SCIN: variants seen among roughly 807,000 people sequenced by gnomAD.
The protein encoded by SCIN is scinderin.
A neutral mutation model predicts 91.8 loss-of-function variants in SCIN; 91 were observed. That is an observed-to-expected ratio of 0.99 (90% CI 0.84 to 1.18). The LOEUF (loss-of-function observed/expected upper bound fraction) is 1.18, where lower values mean the gene tolerates loss of function less well. Among genes scored for constraint, SCIN ranks in the 50% most tolerant of loss-of-function variants. The probability of loss-of-function intolerance (pLI) is 0.00; values close to 1 mark genes in which losing one functional copy is unlikely to be tolerated. For synonymous variants in SCIN, 367 were observed against 312.6 expected, an observed-to-expected ratio of 1.17 and a Z score of -1.84; for missense variants, 1,087 against 863.9, an observed-to-expected ratio of 1.26 and a Z score of -3.24.
rs1209045449 is a variant in SCIN, at chr7:12,657,568, ATATATT to A, written c.*4855_*4860del. ...TATATATATATATATATATATATAT[ATATATT>A]TTTTTTTTTTTTTTTTTTTTTTTTG... On this transcript the variant is annotated 3_prime_UTR_variant, in exon 16 of 16. Coordinates refer to ENST00000297029, the MANE Select transcript of SCIN (RefSeq NM_001112706.3). The A allele has an allele frequency of 9.7e-5, 2 of 20,636 alleles. No individual in the cohort carries two copies. Among genetic ancestry groups the A allele is most frequent in the African/African-American group, 3.2e-4 (2 of 6,288 alleles). 1.3% of individuals were successfully genotyped at this position (20,636 alleles called of 1,614,324 possible).
At chr7:12,604,728 G>GTA (rs1783037217) in intron 4 of SCIN, 65 bp downstream of exon 4, 1 of 1,379,756 alleles carries the variant, frequency 7.2e-7, no homozygotes, top group Non-Finnish European at 9.9e-7. Flanking sequence ...TGTGTGGTGT[G>GTA]TGTGTGTGTG....
intron 9 of SCIN, among the ~76,000 whole-genome samples, chr7:12,633,919 T>C (rs2115283993): frequency 6.6e-6 from 1 of 152,136 alleles, no homozygotes; most frequent in Admixed American, 6.5e-5. Flanking sequence ...GTAGTTCCTT[T>C]ATTAGGGAAA....
Position 12,622,891 on chromosome 7 carries a change from A to C in SCIN, c.757A>C (p.Met253Leu), listed in dbSNP as rs1379828098. Residue 253 changes from methionine (M) to leucine (L), a missense_variant and splice_region_variant, in exon 5 of 16, where the codon ATG (methionine) becomes CTG (leucine). Coordinates refer to ENST00000297029, the MANE Select transcript of SCIN (RefSeq NM_001112706.3). ...TAACAGGAAAATGGCTAAACTATAC[A>C]TGGTGAGTTCACTGTAACCAAATTT... ...ISNRKMAKLY[M>L]VSDASGSMRV... 13 of 1,607,596 alleles carry C rather than the reference A, an allele frequency of 8.1e-6. No homozygotes were observed. The highest frequency in any genetic ancestry group is 1.7e-5 in the Admixed American group (1 of 59,806).
chr7:12,604,843 G>A (rs1168707289), intron 4 of SCIN, among the ~76,000 whole-genome samples, 180 bp downstream of exon 4: 1 of 152,034 alleles, frequency 6.6e-6, no homozygotes, highest in Non-Finnish European at 1.5e-5. Context: ...TCTAAGTGAT[G>A]GAACTGGGAA....
intron 3 of SCIN, among the ~76,000 whole-genome samples, chr7:12,600,097 C>G (rs755217562): frequency 1.4e-4 from 22 of 152,272 alleles, no homozygotes; most frequent in Non-Finnish European, 2.5e-4. Context: ...AAGCCAATGT[C>G]TAGAAAGGTT....
chr7:12,577,463 C>T (rs1464552346), intron 1 of SCIN: 4 of 451,694 alleles, frequency 8.9e-6, no homozygotes, highest in Non-Finnish European at 1.8e-5. Context: ...TTAATGCTTA[C>T]TTAAATCTCA....
chr7:12,625,163 T>C, intron 6 of SCIN, 21 bp downstream of exon 6: 2 of 1,598,532 alleles, frequency 1.3e-6, no homozygotes, highest in South Asian at 2.3e-5. Context: ...CCATTGACGA[T>C]GCTGTATTTC....
Position 12,644,618 on chromosome 7 carries a change from CT to C in SCIN, c.1795del (p.Tyr599ThrfsTer42). ...GGAATTCCCTTGGAGGGAAAAAAGA[CT>C]ACCAGACCTCACCACTACTGGAAAC... is the stretch of plus-strand genomic sequence containing the variant. ...FWNSLGGKKD[Y>X]QTSPLLETQA... On this transcript the variant is annotated frameshift_variant, in exon 13 of 16. Coordinates refer to ENST00000297029, the MANE Select transcript of SCIN (RefSeq NM_001112706.3). LOFTEE classifies it high-confidence loss of function. 1 of 1,608,666 alleles carries C rather than the reference CT, an allele frequency of 6.2e-7. No individual in the cohort carries two copies. Among genetic ancestry groups the C allele is most frequent in the Non-Finnish European group, 8.5e-7 (1 of 1,177,492 alleles).
At chr7:12,610,135 G>T (rs1288130012) in intron 4 of SCIN, among the ~76,000 whole-genome samples, 1 of 152,186 alleles carries the variant, frequency 6.6e-6, no homozygotes, top group Non-Finnish European at 1.5e-5. Flanking sequence ...ACTTTATGAT[G>T]TTAGCATATA....
At chr7:12,596,312 C>T in intron 3 of SCIN, 1 of 455,328 alleles carries the variant, frequency 2.2e-6, no homozygotes, top group South Asian at 1.6e-5. Flanking sequence ...GTTGTCTCAT[C>T]TTGCACATCC....
At chr7:12,613,644 C>A (rs1783241244) in intron 4 of SCIN, among the ~76,000 whole-genome samples, 1 of 152,176 alleles carries the variant, frequency 6.6e-6, no homozygotes, top group African/African-American at 2.4e-5. Context: ...ATATTGACAG[C>A]ACTTGTATAA....
intron 4 of SCIN, among the ~76,000 whole-genome samples, chr7:12,615,274 T>A (rs1433779031): frequency 6.6e-6 from 1 of 152,156 alleles, no homozygotes; most frequent in Admixed American, 6.6e-5. Flanking sequence ...CCAAATCTCA[T>A]CTGTAATTGT....
intron 3 of SCIN, among the ~76,000 whole-genome samples, chr7:12,593,771 C>A (rs2115234930): frequency 6.6e-6 from 1 of 152,158 alleles, no homozygotes; most frequent in African/African-American, 2.4e-5. Flanking sequence ...TTGGTATTCC[C>A]AGGAAGGCTC....
At chr7:12,606,688 G>T (rs78933427) in intron 4 of SCIN, among the ~76,000 whole-genome samples, 1 of 151,988 alleles carries the variant, frequency 6.6e-6, no homozygotes, top group African/African-American at 2.4e-5. Context: ...CTAGAAAATT[G>T]TGCTAAAATA....
intron 13 of SCIN, 40 bp from the exon 14 acceptor site, chr7:12,649,427 T>A (rs1784032368): frequency 1.5e-6 from 2 of 1,351,806 alleles, no homozygotes; most frequent in Non-Finnish European, 2.0e-6. Context: ...GAAAAATTAC[T>A]GCTTTACTTT....
chr7:12,573,035 G>A (rs34239817), intron 1 of SCIN, among the ~76,000 whole-genome samples: 2,148 of 152,202 alleles, frequency 0.014, 30 homozygotes, highest in Non-Finnish European at 0.02. Flanking sequence ...ACTTGGAAGT[G>A]TTCTTGTGTC....
chr7:12,624,912 T>G (rs982916636), intron 5 of SCIN, 98 bp from the exon 6 acceptor site: 25 of 1,195,696 alleles, frequency 2.1e-5, no homozygotes, highest in Non-Finnish European at 2.9e-5. Context: ...TTTTATTTGA[T>G]GACATTTACC....
intron 8 of SCIN, among the ~76,000 whole-genome samples, chr7:12,627,004 C>T (rs375050662): frequency 1.3e-5 from 2 of 151,886 alleles, no homozygotes; most frequent in South Asian, 2.1e-4. Flanking sequence ...GCATGAGAAT[C>T]GCGTGAGCCT....
At position 12,602,395 on chromosome 7, in the gene SCIN, G is replaced by A. The variant is rs565390802; in HGVS notation, c.517-2119G>A. Among the ~76,000 whole-genome samples, 76 of 152,262 alleles carry A rather than the reference G, an allele frequency of 5.0e-4. 1 individual carries two copies. In the South Asian group the frequency reaches 0.015, roughly 29 times the overall value. ...TAAGGGTCTATGTTCAGCTGTGCAC[G>A]TATTATCTTGATAAACATCTTAAAC... On this transcript the variant is annotated intron_variant, in intron 3 of 15. Coordinates refer to ENST00000297029, the MANE Select transcript of SCIN (RefSeq NM_001112706.3).
Sources: allele counts gnomAD v4.1 joint callset (sites outside exome capture counted in the v4.1 genomes callset), GRCh38; gene constraint gnomAD v4.1.1; transcripts MANE v1.5; gene names NCBI Gene and HGNC (gene_info 2026-07-23, HGNC 2026-07-21).